CACNA1I: variants seen among roughly 807,000 people sequenced by gnomAD.
CACNA1I encodes the protein voltage-dependent T-type calcium channel subunit alpha-1I.
Under a neutral mutation model 201.6 loss-of-function variants are expected in CACNA1I, and 74 were observed. That is an observed-to-expected ratio of 0.37 (90% CI 0.30 to 0.45). The LOEUF (loss-of-function observed/expected upper bound fraction) is 0.45, where lower values mean the gene tolerates loss of function less well. CACNA1I is among the 20% of genes least tolerant of loss of function. The pLI is 1.00. For missense variants in CACNA1I, 2,346 were observed against 3,138.1 expected (o/e 0.75, Z 6.03); for synonymous variants, 1,431 against 1,345.2 (o/e 1.06, Z -1.40).
chr22:39,611,533 C>G (rs1933387341), intron 3 of CACNA1I, among the ~76,000 whole-genome samples: 1 of 152,222 alleles, frequency 6.6e-6, no homozygotes, highest in African/African-American at 2.4e-5. Context: ...CTGCACCACA[C>G]AGAGCCCACT....
intron 35 of CACNA1I, among the ~76,000 whole-genome samples, chr22:39,683,832 C>T (rs1469382035): frequency 1.3e-5 from 2 of 152,080 alleles, no homozygotes; most frequent in Non-Finnish European, 2.9e-5. Flanking sequence ...GGGGCTGGGA[C>T]GCCCCAACCC....
At chr22:39,614,090 C>T (rs1251771031) in intron 3 of CACNA1I, among the ~76,000 whole-genome samples, 1 of 152,122 alleles carries the variant, frequency 6.6e-6, no homozygotes, top group East Asian at 1.9e-4. Context: ...TCAGGTGATC[C>T]ACCTGCCTTG....
At chr22:39,654,295 A>G (rs1231177422) in intron 10 of CACNA1I, among the ~76,000 whole-genome samples, 2 of 152,116 alleles carry the variant, frequency 1.3e-5, no homozygotes, top group Non-Finnish European at 2.9e-5. Flanking sequence ...TCCTGCACAC[A>G]CCCATGCAGG....
intron 3 of CACNA1I, among the ~76,000 whole-genome samples, chr22:39,602,663 A>T (rs923868347): frequency 6.6e-6 from 1 of 152,118 alleles, no homozygotes; most frequent in Non-Finnish European, 1.5e-5. Context: ...GCTATTGTAG[A>T]GTCAGAACAC....
In CACNA1I at chr22:39,684,886, A is replaced by G; in HGVS notation, c.6027+388A>G. 2.4e-6 allele frequency: 1 copy of G among 411,198 alleles called. No homozygotes were observed. Among genetic ancestry groups the G allele is most frequent in the African/African-American group, 2.0e-5 (1 of 50,070 alleles). The allele number at this position is 411,198 out of a possible 1,614,324, so 25.5% of individuals were successfully genotyped here. On this transcript the variant is annotated intron_variant, in intron 36 of 36. Transcript: ENST00000402142. The surrounding 1 kb of genome is among the most constrained non-coding windows in gnomAD (Gnocchi z 4.6). ...GGTGGGTGTGAGTGGGGGCTTGATTACTAGGAATGGAGGTGGGAGGGCGGG... is the reference window on the plus strand; with the variant it reads ...GGTGGGTGTGAGTGGGGGCTTGATTGCTAGGAATGGAGGTGGGAGGGCGGG...
intron 1 of CACNA1I, among the ~76,000 whole-genome samples, chr22:39,574,356 G>A (rs1436477901): frequency 1.3e-5 from 2 of 152,182 alleles, no homozygotes; most frequent in Admixed American, 1.3e-4. Context: ...GGTCAGGTGG[G>A]AGAGGGGCCA....
Position 39,679,441 on chromosome 22 carries a change from C to T in CACNA1I, c.5390C>T (p.Ala1797Val), listed in dbSNP as rs774252695. 81 of 1,416,936 alleles carry T rather than the reference C, an allele frequency of 5.7e-5. No homozygotes were observed. The highest frequency in any genetic ancestry group is 6.9e-5 in the Non-Finnish European group (76 of 1,097,322). The allele number at this position is 1,416,936 out of a possible 1,614,324, so 87.8% of individuals were successfully genotyped here. ...TTGTGCCGGCGCTGCTACTCGCCTG[C>T]CCAGGTGGGCAGGGGCTGGAGAGGT... ...GGLCRRCYSP[A>V]QENLWLDSVS... Residue 1797 changes from alanine to valine, a missense_variant, in exon 32 of 37, where the codon GCC (alanine) becomes GTC (valine). Ala to Val is a moderately conservative substitution (Grantham distance 64). Coordinates refer to ENST00000402142, the MANE Select transcript of CACNA1I (RefSeq NM_021096.4).
chr22:39,580,925 T>G (rs73422196), intron 1 of CACNA1I, among the ~76,000 whole-genome samples: 1,672 of 152,200 alleles, frequency 0.011, 39 homozygotes, highest in African/African-American at 0.038. Context: ...TGGGCTTGAG[T>G]GGAGGCGCCC....
At chr22:39,671,042 G>C (rs1935363388) in intron 26 of CACNA1I, 88 bp downstream of exon 26, 8 of 1,286,800 alleles carry the variant, frequency 6.2e-6, no homozygotes, top group Non-Finnish European at 8.8e-6. Context: ...GGTGGGGAAG[G>C]GGTTAGCTGA....
chr22:39,677,598 C>T lies in CACNA1I; in HGVS notation c.4933+179C>T, dbSNP rs916401759. On this transcript the variant is annotated intron_variant, in intron 30 of 36. Coordinates refer to ENST00000402142, the MANE Select transcript of CACNA1I (RefSeq NM_021096.4). This position sits in a 1 kb window ranked among gnomAD's most constrained non-coding sequence, Gnocchi z 4.8. ...CCCAGGAAAACTGCCCTCCCTACCC[C>T]GGTGTTGGTGCCTGTCCTGAGCCAG... Among the ~76,000 whole-genome samples the T allele has an allele frequency of 3.9e-5, 6 of 152,306 alleles. No homozygotes were observed. Among genetic ancestry groups the T allele is most frequent in the African/African-American group, 9.6e-5 (4 of 41,562 alleles).
At chr22:39,619,565 A>G (rs960230725) in intron 4 of CACNA1I, among the ~76,000 whole-genome samples, 158 bp downstream of exon 4, 1 of 143,476 alleles carries the variant, frequency 7.0e-6, no homozygotes, top group African/African-American at 2.6e-5. Context: ...TGCGGTGTCT[A>G]TCTAGACAGA....
rs1454375987 is a variant in CACNA1I at position 39,684,675 on chromosome 22, A to T, written c.6027+177A>T. On this transcript the variant is annotated intron_variant, in intron 36 of 36. Transcript: ENST00000402142. This position sits in a 1 kb window ranked among gnomAD's most constrained non-coding sequence, Gnocchi z 4.6. ...CGCTGAGACTGGAGGGGGAGGTGGC[A>T]CTGGGGCGGATGGAGTGGGCGGGGC... 1 of 676,008 alleles carries T rather than the reference A, an allele frequency of 1.5e-6. No homozygotes were observed. The highest frequency in any genetic ancestry group is 1.8e-5 in the African/African-American group (1 of 55,560). The allele number at this position is 676,008 out of a possible 1,614,324, so 41.9% of individuals were successfully genotyped here.
intron 3 of CACNA1I, among the ~76,000 whole-genome samples, chr22:39,603,478 G>A (rs974306658): frequency 3.3e-5 from 5 of 151,998 alleles, no homozygotes; most frequent in Admixed American, 1.3e-4. Flanking sequence ...TGGATTTCTT[G>A]TTTTTCAGAG....
intron 4 of CACNA1I, among the ~76,000 whole-genome samples, chr22:39,626,519 T>TGGGC (rs1164337409): frequency 6.6e-6 from 1 of 151,816 alleles, no homozygotes; most frequent in African/African-American, 2.4e-5. Context: ...ATCGTGTGGG[T>TGGGC]GGGCAGGGGA....
chr22:39,613,802 T>A (rs1933452123), intron 3 of CACNA1I, among the ~76,000 whole-genome samples: 1 of 150,676 alleles, frequency 6.6e-6, no homozygotes, highest in South Asian at 2.1e-4. Flanking sequence ...ACAGAGCTCC[T>A]GGGTCCCTTG....
At chr22:39,593,708 T>G (rs1049664405) in intron 1 of CACNA1I, among the ~76,000 whole-genome samples, 1 of 152,040 alleles carries the variant, frequency 6.6e-6, no homozygotes, top group African/African-American at 2.4e-5. Context: ...TCAGGCAGAT[T>G]AGCCTGGCAG....
chr22:39,620,443 C>G (rs1933714046), intron 4 of CACNA1I, among the ~76,000 whole-genome samples: 1 of 152,208 alleles, frequency 6.6e-6, no homozygotes, highest in African/African-American at 2.4e-5. Context: ...GCCCACCCAC[C>G]TAGTATTAAG....
intron 16 of CACNA1I, among the ~76,000 whole-genome samples, 197 bp downstream of exon 16, chr22:39,661,507 G>A (rs1935013077): frequency 6.6e-6 from 1 of 152,230 alleles, no homozygotes; most frequent in Non-Finnish European, 1.5e-5. Context: ...AAGGCCTAGT[G>A]CCAGTGGGGT....
intron 18 of CACNA1I, among the ~76,000 whole-genome samples, chr22:39,663,085 G>C (rs1935078706): frequency 6.6e-6 from 1 of 152,188 alleles, no homozygotes. Context: ...GGCTGGAGGA[G>C]GTCAGGGAAG....
Sources: allele counts gnomAD v4.1 joint callset (sites outside exome capture counted in the v4.1 genomes callset), GRCh38; gene constraint gnomAD v4.1.1; non-coding constraint Gnocchi (gnomAD v3.1); transcripts MANE v1.5; gene names NCBI Gene and HGNC (gene_info 2026-07-23, HGNC 2026-07-21).